Variants in CATSPERG observed in about 807,000 individuals in gnomAD.
CATSPERG encodes cation channel sperm-associated auxiliary subunit gamma.
In CATSPERG, 115 loss-of-function variants were observed where a neutral mutation model predicts 145.0. That is an observed-to-expected ratio of 0.79 (90% CI 0.68 to 0.93). The LOEUF is 0.93. CATSPERG is among the 40% of genes least tolerant of loss of function. CATSPERG has a pLI of 0.00. For synonymous variants in CATSPERG, 588 were observed against 589.0 expected (o/e 1.00, Z 0.02); for missense variants, 1,296 against 1,490.1 (o/e 0.87, Z 2.14).
In CATSPERG at chr19:38,337,363, A is replaced by G; in HGVS notation, c.129A>G (p.Glu43=). The G allele has an allele frequency of 6.4e-7, 1 of 1,551,434 alleles. No individual in the cohort carries two copies. The highest frequency in any genetic ancestry group is 8.7e-7 in the Non-Finnish European group (1 of 1,146,930). ...WRLWAIKDFQ[E]CTWQVVLNEF... The stretch of plus-strand genomic sequence containing the variant: ...TGTGGGCGATCAAGGATTTCCAGGA[A>G]TGCACCTGGCAGGTTGTCCTGAACG... The change falls in exon 2 of 29, where the codon GAA becomes GAG. Residue 43 remains glutamate, a synonymous_variant. Transcript: ENST00000409235.
At chr19:38,357,093 CT>C (rs1970257111) in intron 11 of CATSPERG, among the ~76,000 whole-genome samples, 1 of 152,156 alleles carries the variant, frequency 6.6e-6, no homozygotes, top group Non-Finnish European at 1.5e-5. Flanking sequence ...AATAGGGCCC[CT>C]ATGTAGATTT....
chr19:38,339,103 C>T (rs1969894644), intron 3 of CATSPERG, among the ~76,000 whole-genome samples: 1 of 152,132 alleles, frequency 6.6e-6, no homozygotes, highest in Non-Finnish European at 1.5e-5. Flanking sequence ...TATTGGTAAT[C>T]CAACAAAGAA....
At chr19:38,356,336 TA>T in intron 9 of CATSPERG, 147 bp from the exon 10 acceptor site, 1 of 656,678 alleles carries the variant, frequency 1.5e-6, no homozygotes, top group South Asian at 1.8e-5. Context: ...CATGCTCTGA[TA>T]GGCCAGGTGT....
At position 38,360,249 on chromosome 19, in the gene CATSPERG, C is replaced by T. The variant is rs1050885453; in HGVS notation, c.1609-240C>T. ...GCAAGTGCCAGAAACCCAAACAGACCGAAAACATTGAAAAAAGTGATCATA... is the reference window on the plus strand; with the variant it reads ...GCAAGTGCCAGAAACCCAAACAGACTGAAAACATTGAAAAAAGTGATCATA... On this transcript the variant is annotated intron_variant, in intron 14 of 28. Coordinates refer to ENST00000409235, the MANE Select transcript of CATSPERG (RefSeq NM_021185.5). 5.5e-5 allele frequency: 54 copies of T among 985,154 alleles called. No homozygotes were observed. The Middle Eastern group carries it at 3.1e-3, about 57-fold the overall frequency. 61.0% of individuals were successfully genotyped at this position (985,154 alleles called of 1,614,324 possible).
chr19:38,356,261 C>T (rs769535605), intron 9 of CATSPERG, among the ~76,000 whole-genome samples: 5 of 152,124 alleles, frequency 3.3e-5, no homozygotes, highest in Non-Finnish European at 5.9e-5. Context: ...ATCGGCCCAC[C>T]GTGGGTCACA....
rs746702236 is a variant in CATSPERG, at chr19:38,358,498, A to G, written c.1433A>G (p.Lys478Arg). The part of the protein sequence containing the change: ...ESYTSTAMAP[K>R]GIFCNPYNNL... ...TACACCAGCACTGCAATGGCCCCCA[A>G]GGGCATCTTCTGTAACCCGTACAAC... is the stretch of plus-strand genomic sequence containing the variant. The change falls in exon 13 of 29, where the codon AAG becomes AGG. Residue 478 changes from lysine to arginine, a missense_variant. Lys to Arg is a conservative substitution (Grantham distance 26, BLOSUM62 2). Transcript: ENST00000409235. 125 of 1,614,084 alleles carry G rather than the reference A, an allele frequency of 7.7e-5. No homozygotes were observed. The highest frequency in any genetic ancestry group is 1.1e-4 in the Non-Finnish European group (124 of 1,180,040).
At chr19:38,342,721 G>A (rs945070537) in intron 3 of CATSPERG, among the ~76,000 whole-genome samples, 1 of 151,856 alleles carries the variant, frequency 6.6e-6, no homozygotes, top group Non-Finnish European at 1.5e-5. Flanking sequence ...TGGTCCCACA[G>A]CAACCAAGGC....
chr19:38,348,233 A>G (rs1459940440), intron 7 of CATSPERG, among the ~76,000 whole-genome samples: 1 of 151,966 alleles, frequency 6.6e-6, no homozygotes, highest in Non-Finnish European at 1.5e-5. Context: ...ATCATAGCTC[A>G]CTGCAGCCTC....
chr19:38,338,178 G>A lies in CATSPERG; in HGVS notation c.324+532G>A, dbSNP rs983265534. Among the ~76,000 whole-genome samples, 39 of 151,352 alleles carry A rather than the reference G, an allele frequency of 2.6e-4. 1 individual carries two copies. The highest frequency in any genetic ancestry group is 7.8e-4 in the African/African-American group (32 of 41,260). On this transcript the variant is annotated intron_variant, in intron 3 of 28. Coordinates refer to ENST00000409235, the MANE Select transcript of CATSPERG (RefSeq NM_021185.5). ...TGTTTTGTTTTGTTTTTGAGACGGA[G>A]TCTCGCTCCGCCCAGGCTGGATTGC... is the stretch of plus-strand genomic sequence containing the variant.
chr19:38,367,782 C>A lies in CATSPERG; in HGVS notation c.2930+6C>A. On this transcript the variant is annotated splice_donor_region_variant and intron_variant, in intron 25 of 28. Transcript: ENST00000409235. ...TTCAACAGCCCCCTGGACAAGTAAT[C>A]CCCGTGGGGTCCCACGTGTAATCCA... 1 of 1,612,634 alleles carries A rather than the reference C, an allele frequency of 6.2e-7. No homozygotes were observed. The highest frequency in any genetic ancestry group is 8.5e-7 in the Non-Finnish European group (1 of 1,178,728).
chr19:38,336,427 C>A (rs1969837628), intron 1 of CATSPERG: 1 of 321,274 alleles, frequency 3.1e-6, no homozygotes, highest in East Asian at 9.9e-5. Context: ...TCCATAAAGA[C>A]CAAGTGGAGG....
At chr19:38,352,567 G>T in intron 8 of CATSPERG, 135 bp downstream of exon 8, 1 of 797,604 alleles carries the variant, frequency 1.3e-6, no homozygotes, top group Non-Finnish European at 2.1e-6. Context: ...AATCACCCTT[G>T]CCCACCCCGA....
intron 14 of CATSPERG, 96 bp from the exon 15 acceptor site, chr19:38,360,393 C>T (rs1970323273): frequency 3.2e-6 from 5 of 1,540,138 alleles, no homozygotes; most frequent in Non-Finnish European, 4.4e-6. Context: ...AACTTCATCC[C>T]TCAAACAATG....
rs146429794 is a variant in CATSPERG at position 38,367,270 on chromosome 19, G to A, written c.2728G>A (p.Val910Ile). The A allele has an allele frequency of 1.8e-4, 291 of 1,613,548 alleles. No homozygotes were observed. Among genetic ancestry groups the A allele is most frequent in the Non-Finnish European group, 2.3e-4 (268 of 1,180,028 alleles). The change falls in exon 23 of 29, where the codon GTT becomes ATT. Residue 910 changes from valine to isoleucine, a missense_variant. Coordinates refer to ENST00000409235, the MANE Select transcript of CATSPERG (RefSeq NM_021185.5). Reference protein sequence around the residue: ...RLKNKHYFDCVNVNPEMPCFL... With the variant: ...RLKNKHYFDCINVNPEMPCFL... ...GAAGAACAAACACTACTTTGACTGC[G>A]TTAACGTGAACCCGGAGATGCCCTG...
chr19:38,369,512 C>T (rs113391006), intron 26 of CATSPERG: 94 of 232,246 alleles, frequency 4.0e-4, no homozygotes, highest in African/African-American at 1.5e-3. Flanking sequence ...CCACCTGCCT[C>T]GGCCTCCCAA....
intron 3 of CATSPERG, among the ~76,000 whole-genome samples, chr19:38,339,526 G>T (rs183876311): frequency 2.0e-5 from 3 of 152,174 alleles, no homozygotes; most frequent in East Asian, 1.9e-4. Context: ...GTGCAGTGGC[G>T]CAATCTCGGC....
Position 38,359,456 on chromosome 19 carries a change from C to G in CATSPERG, c.1497-14C>G. On this transcript the variant is annotated splice_polypyrimidine_tract_variant and intron_variant, in intron 13 of 28. Transcript: ENST00000409235. ...GTCCAGCATGCGCCTAGCTCTCCAT[C>G]TCTGTCCCTGCAGCTCTAACAAGGA... The G allele has an allele frequency of 6.3e-7, 1 of 1,583,736 alleles. No homozygotes were observed. The highest frequency in any genetic ancestry group is 8.7e-7 in the Non-Finnish European group (1 of 1,152,552).
At chr19:38,369,924 CAGACT>C in intron 26 of CATSPERG, 43 bp from the exon 27 acceptor site, 1 of 1,579,428 alleles carries the variant, frequency 6.3e-7, no homozygotes, top group Non-Finnish European at 8.7e-7. Context: ...GGAGTTGGCA[CAGACT>C]AGGCATGGTT....
At chr19:38,353,575 T>C (rs1160305455) in intron 8 of CATSPERG, among the ~76,000 whole-genome samples, 1 of 149,828 alleles carries the variant, frequency 6.7e-6, no homozygotes, top group Non-Finnish European at 1.5e-5. Context: ...CACATGCCTG[T>C]AGTCCCAGCT....
Sources: gnomAD v4.1 joint callset for allele counts (sites outside exome capture counted in the v4.1 genomes callset) on GRCh38, gnomAD v4.1.1 for gene constraint, MANE v1.5 for transcripts, NCBI Gene and HGNC (gene_info 2026-07-23, HGNC 2026-07-21) for gene names.